NFIA: variants seen among roughly 807,000 people sequenced by gnomAD.
The protein encoded by NFIA is nuclear factor I A.
A neutral mutation model predicts 62.8 loss-of-function variants in NFIA; 8 were observed. The ratio of observed to expected loss-of-function variants is 0.13; its 90% CI spans 0.07 to 0.23. NFIA has a LOEUF of 0.23. NFIA is among the 10% of genes least tolerant of loss of function. The pLI, the probability that NFIA is intolerant of heterozygous loss-of-function variation, is 1.00. For missense variants in NFIA, 410 were observed against 642.1 expected (o/e 0.64, Z 3.91); for synonymous variants, 235 against 238.1 (o/e 0.99, Z 0.12).
chr1:61,218,369 G>A (rs141845006), intron 2 of NFIA, among the ~76,000 whole-genome samples: 16 of 152,268 alleles, frequency 1.1e-4, no homozygotes, highest in African/African-American at 3.9e-4. Flanking sequence ...GGTGTATGTT[G>A]GAGTATAGTC....
intron 2 of NFIA, among the ~76,000 whole-genome samples, chr1:61,131,879 G>C (rs771893345): frequency 6.6e-6 from 1 of 152,124 alleles, no homozygotes; most frequent in Non-Finnish European, 1.5e-5. Context: ...ACTGTTAAAA[G>C]AGTAACCATA....
intron 5 of NFIA, among the ~76,000 whole-genome samples, chr1:61,355,900 C>T (rs1416690887): frequency 6.6e-6 from 1 of 152,182 alleles, no homozygotes; most frequent in East Asian, 1.9e-4. Flanking sequence ...CTTTTGTCAA[C>T]TTCTGAAAAT....
chr1:61,184,002 C>T (rs187866937), intron 2 of NFIA, among the ~76,000 whole-genome samples: 48 of 151,290 alleles, frequency 3.2e-4, no homozygotes, highest in Admixed American at 1.4e-3. Context: ...TTCCCTGGAA[C>T]ATTGTCAAGC....
At chr1:61,077,563 AC>A, upstream of NFIA, 1 of 1,288,586 alleles carries the variant, frequency 7.8e-7, no homozygotes, top group Non-Finnish European at 1.0e-6. Context: ...AAAAAAGGGG[AC>A]AACAAATGAA....
chr1:61,400,820 C>A (rs1665522007), intron 7 of NFIA, among the ~76,000 whole-genome samples: 1 of 152,132 alleles, frequency 6.6e-6, no homozygotes, highest in Non-Finnish European at 1.5e-5. Context: ...GATTTAACCC[C>A]AGTGGCTCTT....
At chr1:61,320,124 A>C (rs1370465288) in intron 3 of NFIA, among the ~76,000 whole-genome samples, 1 of 151,604 alleles carries the variant, frequency 6.6e-6, no homozygotes, top group African/African-American at 2.4e-5. Context: ...TTTTTTTTTA[A>C]ACAAGAAAAA....
chr1:61,187,836 C>T lies in NFIA; in HGVS notation c.560-89684C>T, dbSNP rs543959724. 3.3e-5 allele frequency among the ~76,000 whole-genome samples: 5 copies of T among 152,302 alleles called. No individual in the cohort carries two copies. The South Asian group carries it at 1.0e-3, about 32-fold the overall frequency. ...GCAGGTCTCATCACAGCCCCATCTC[C>T]ATTTTCCTTTTGTTGAAGTGGGTCT... On this transcript the variant is annotated intron_variant, in intron 2 of 10. Transcript: ENST00000403491.
intron 3 of NFIA, among the ~76,000 whole-genome samples, chr1:61,312,285 G>A (rs916923928): frequency 1.3e-5 from 2 of 152,178 alleles, no homozygotes; most frequent in South Asian, 4.1e-4. Context: ...CTCATGTTTT[G>A]TCCATGTGAA....
chr1:61,406,493 C>T, intron 8 of NFIA, 69 bp from the exon 9 acceptor site: 1 of 1,327,066 alleles, frequency 7.5e-7, no homozygotes, highest in Admixed American at 2.1e-5. Flanking sequence ...TTTTCAGAAG[C>T]AGCTAATGGT....
intron 2 of NFIA, among the ~76,000 whole-genome samples, chr1:61,153,447 C>CA (rs1200973755): frequency 2.0e-5 from 3 of 152,174 alleles, no homozygotes; most frequent in Non-Finnish European, 4.4e-5. Flanking sequence ...TCAAGGACCT[C>CA]AACTATTATT....
At chr1:61,085,531 C>T (rs1184572871) in intron 1 of NFIA, among the ~76,000 whole-genome samples, 5 of 151,344 alleles carry the variant, frequency 3.3e-5, no homozygotes, top group African/African-American at 1.2e-4. Context: ...TAGCTTATAG[C>T]GATATGTTCA....
chr1:61,373,551 A>G (rs1407126129), intron 6 of NFIA, among the ~76,000 whole-genome samples: 1 of 152,124 alleles, frequency 6.6e-6, no homozygotes, highest in Non-Finnish European at 1.5e-5. Flanking sequence ...ATTAAATTTT[A>G]TCCATAGGAC....
At chr1:61,108,146 A>G (rs1646636252) in intron 2 of NFIA, among the ~76,000 whole-genome samples, 1 of 151,612 alleles carries the variant, frequency 6.6e-6, no homozygotes, top group Non-Finnish European at 1.5e-5. Flanking sequence ...CATATATATC[A>G]TGGCATTACT....
At chr1:61,452,874 C>T (rs1183196881) in intron 10 of NFIA, among the ~76,000 whole-genome samples, 1 of 150,932 alleles carries the variant, frequency 6.6e-6, no homozygotes, top group Non-Finnish European at 1.5e-5. Flanking sequence ...ATTCACATCG[C>T]ATTTTTTTTT....
In NFIA at chr1:61,406,543, G is replaced by GGGGGGGCCCCCC; in HGVS notation, c.1255-19_1255-18insGGGGGGCCCCCC. On this transcript the variant is annotated intron_variant, in intron 8 of 10. Transcript: ENST00000403491. Reference sequence around the variant, plus strand: ...TCTTTTTCTTGTACGTGTGTTTTCTGCCCCCCCCCCCCCCACAGCCCAATG... The same window carrying GGGGGGGCCCCCC: ...TCTTTTTCTTGTACGTGTGTTTTCTGGGGGGGCCCCCCCCCCCCCCCCCCCCACAGCCCAATG... 4 of 876,654 alleles carry GGGGGGGCCCCCC rather than the reference G, an allele frequency of 4.6e-6. No homozygotes were observed. Among genetic ancestry groups the GGGGGGGCCCCCC allele is most frequent in the African/African-American group, 2.7e-5 (1 of 37,314 alleles). The allele number at this position is 876,654 out of a possible 1,614,324, so 54.3% of individuals were successfully genotyped here.
intron 2 of NFIA, among the ~76,000 whole-genome samples, chr1:61,104,003 G>A (rs1467376873): frequency 6.6e-6 from 1 of 152,054 alleles, no homozygotes; most frequent in Non-Finnish European, 1.5e-5. Flanking sequence ...AAGATGATTT[G>A]GTGATGATGG....
At chr1:61,236,406 G>T (rs1008471304) in intron 2 of NFIA, among the ~76,000 whole-genome samples, 1 of 152,220 alleles carries the variant, frequency 6.6e-6, no homozygotes, top group Admixed American at 6.5e-5. Context: ...TGCTTTTAAG[G>T]CAGGTGTTTT....
chr1:61,271,413 A>G (rs1163794752), intron 2 of NFIA, among the ~76,000 whole-genome samples: 1 of 152,238 alleles, frequency 6.6e-6, no homozygotes, highest in Non-Finnish European at 1.5e-5. Flanking sequence ...TGTAAATTTA[A>G]TATTTCACAA....
chr1:61,176,519 C>T (rs926786009), intron 2 of NFIA, among the ~76,000 whole-genome samples: 21 of 152,052 alleles, frequency 1.4e-4, no homozygotes, highest in African/African-American at 4.3e-4. Flanking sequence ...GGATTTTCTC[C>T]CCTCTGATTG....
Sources: gnomAD v4.1 joint callset for allele counts (sites outside exome capture counted in the v4.1 genomes callset) on GRCh38, gnomAD v4.1.1 for gene constraint, MANE v1.5 for transcripts, NCBI Gene and HGNC (gene_info 2026-07-23, HGNC 2026-07-21) for gene names.